ADAMTS12: variants seen among roughly 807,000 people sequenced by gnomAD.
ADAMTS12 encodes A disintegrin and metalloproteinase with thrombospondin motifs 12.
A neutral mutation model predicts 167.8 loss-of-function variants in ADAMTS12; 118 were observed. The observed-to-expected ratio is 0.70, with a 90% CI of 0.61 to 0.82. ADAMTS12 has a LOEUF of 0.82. ADAMTS12 is among the 40% of genes least tolerant of loss of function. The probability of loss-of-function intolerance (pLI) is 0.00; values close to 1 mark genes in which losing one functional copy is unlikely to be tolerated. For missense variants in ADAMTS12, 1,916 were observed against 1,998.8 expected, an observed-to-expected ratio of 0.96 and a Z score of 0.79; for synonymous variants, 704 against 716.9, an observed-to-expected ratio of 0.98 and a Z score of 0.29.
chr5:33,852,230 G>T (rs1267343464), intron 2 of ADAMTS12, among the ~76,000 whole-genome samples: 1 of 152,176 alleles, frequency 6.6e-6, no homozygotes, highest in Non-Finnish European at 1.5e-5. Context: ...TTAGAGATCG[G>T]CTGAGAATAC....
chr5:33,817,892 G>A (rs2112497419), intron 2 of ADAMTS12, among the ~76,000 whole-genome samples: 1 of 152,072 alleles, frequency 6.6e-6, no homozygotes, highest in South Asian at 2.1e-4. Context: ...TCTTTCCATA[G>A]TAGAATATAG....
At chr5:33,870,290 G>A (rs868750659) in intron 2 of ADAMTS12, among the ~76,000 whole-genome samples, 12 of 152,300 alleles carry the variant, frequency 7.9e-5, no homozygotes, top group Middle Eastern at 3.4e-3. Context: ...AGTAAAGAAA[G>A]GCATAGGAAA....
At chr5:33,843,437 T>G (rs1748822638) in intron 2 of ADAMTS12, among the ~76,000 whole-genome samples, 1 of 151,412 alleles carries the variant, frequency 6.6e-6, no homozygotes, top group African/African-American at 2.4e-5. Flanking sequence ...GGCAAGGGGG[T>G]AGTGAGTAGC....
chr5:33,889,335 G>C (rs1055354517), intron 1 of ADAMTS12, among the ~76,000 whole-genome samples: 11 of 152,094 alleles, frequency 7.2e-5, no homozygotes, highest in African/African-American at 4.8e-5. Flanking sequence ...AGATGATCCT[G>C]AAGTAATTTG....
chr5:33,780,739 A>T (rs901336399), intron 2 of ADAMTS12, among the ~76,000 whole-genome samples: 4 of 152,156 alleles, frequency 2.6e-5, no homozygotes, highest in Non-Finnish European at 5.9e-5. Flanking sequence ...AGAGCAGCCA[A>T]CCTCATCCCA....
At position 33,820,902 on chromosome 5, in the gene ADAMTS12, A is replaced by G. The variant is rs1747844559; in HGVS notation, c.489+60217T>C. On this transcript the variant is annotated intron_variant, in intron 2 of 23. Transcript: ENST00000504830. The stretch of plus-strand genomic sequence containing the variant: ...AACCAAATACGGCATGTTCTCACCT[A>G]TGAGTGGGAGCTAAATGATGAAAAC... Among the ~76,000 whole-genome samples, 3 of 152,296 alleles carry G rather than the reference A, an allele frequency of 2.0e-5. No homozygotes were observed. In the South Asian group the frequency reaches 6.2e-4, roughly 32 times the overall value.
chr5:33,544,461 C>T (rs543893319), intron 22 of ADAMTS12, among the ~76,000 whole-genome samples: 164 of 152,076 alleles, frequency 1.1e-3, no homozygotes, highest in Non-Finnish European at 2.1e-3. Flanking sequence ...GATTCAATGC[C>T]ATCCCCATCA....
At chr5:33,590,255 C>T (rs2112014875) in intron 17 of ADAMTS12, among the ~76,000 whole-genome samples, 2 of 152,316 alleles carry the variant, frequency 1.3e-5, no homozygotes, top group African/African-American at 4.8e-5. Context: ...AATAGACGTT[C>T]TTGTTTTCTC....
chr5:33,691,352 G>A (rs1466677502), intron 3 of ADAMTS12, among the ~76,000 whole-genome samples: 1 of 152,112 alleles, frequency 6.6e-6, no homozygotes, highest in African/African-American at 2.4e-5. Flanking sequence ...ACAACTTTTA[G>A]GGAATACTAG....
Position 33,623,300 on chromosome 5 carries a change from C to A in ADAMTS12, c.2143+931G>T, listed in dbSNP as rs546126728. On this transcript the variant is annotated intron_variant, in intron 14 of 23. Coordinates refer to ENST00000504830, the MANE Select transcript of ADAMTS12 (RefSeq NM_030955.4). Reference sequence around the variant, plus strand: ...TAGTGCATGATGGATTCCCTACTCCCAGCATCTCTATGGAATCCAGAGAAT... The same window carrying A: ...TAGTGCATGATGGATTCCCTACTCCAAGCATCTCTATGGAATCCAGAGAAT... Among the ~76,000 whole-genome samples, 9 of 152,314 alleles carry A rather than the reference C, an allele frequency of 5.9e-5. No individual in the cohort carries two copies. The South Asian group carries it at 1.9e-3, about 32-fold the overall frequency.
chr5:33,771,266 A>T (rs1276565325), intron 2 of ADAMTS12, among the ~76,000 whole-genome samples: 1 of 152,166 alleles, frequency 6.6e-6, no homozygotes, highest in Non-Finnish European at 1.5e-5. Context: ...TTATTCCTTT[A>T]GCTTAAAGTA....
rs113750891 is a variant in ADAMTS12 at position 33,841,331 on chromosome 5, T to C, written c.489+39788A>G. ...TACTTCCATCTAAGGCAAAGTCTTC[T>C]CACTGTGCTGTCAGCTTTGGACCTC... is the stretch of plus-strand genomic sequence containing the variant. On this transcript the variant is annotated intron_variant, in intron 2 of 23. Coordinates refer to ENST00000504830, the MANE Select transcript of ADAMTS12 (RefSeq NM_030955.4). Among the ~76,000 whole-genome samples the C allele has an allele frequency of 7.8e-3, 1,192 of 152,334 alleles. 4 individuals are homozygous for C. The highest frequency in any genetic ancestry group is 0.011 in the Non-Finnish European group (722 of 68,028).
chr5:33,681,469 T>C (rs1742110722), intron 5 of ADAMTS12, among the ~76,000 whole-genome samples: 2 of 152,200 alleles, frequency 1.3e-5, no homozygotes, highest in Admixed American at 1.3e-4. Context: ...TTCACTTCAT[T>C]CATTCATTTG....
chr5:33,588,648 T>C lies in ADAMTS12; in HGVS notation c.2816A>G (p.Asn939Ser), dbSNP rs1453209564. ...LLKPKTLLSC[N>S]RDILCPSDWT... ...GTCCGAGGGGCACAGGATGTCTCTG[T>C]TGCAGGAAAGGAGGGTCTTGGGCTT... Residue 939 changes from asparagine (N) to serine (S), a missense_variant, in exon 18 of 24, where the codon AAC (asparagine) becomes AGC (serine). Physicochemically the swap from Asn to Ser is conservative, Grantham distance 46 (BLOSUM62 1). Coordinates refer to ENST00000504830, the MANE Select transcript of ADAMTS12 (RefSeq NM_030955.4). 2 of 1,614,114 alleles carry C rather than the reference T, an allele frequency of 1.2e-6. No individual in the cohort carries two copies. The highest frequency in any genetic ancestry group is 4.5e-5 in the East Asian group (2 of 44,866).
At chr5:33,805,058 G>GA (rs1747169968) in intron 2 of ADAMTS12, among the ~76,000 whole-genome samples, 2 of 152,112 alleles carry the variant, frequency 1.3e-5, no homozygotes, top group Admixed American at 6.5e-5. Flanking sequence ...TAACATACTG[G>GA]AAAATATTCC....
chr5:33,689,959 C>T (rs968185794), intron 3 of ADAMTS12, among the ~76,000 whole-genome samples: 1 of 152,234 alleles, frequency 6.6e-6, no homozygotes, highest in Non-Finnish European at 1.5e-5. Context: ...ATCTTTAAAC[C>T]ACCAGCTGAC....
At chr5:33,591,989 G>A (rs897197246) in intron 17 of ADAMTS12, among the ~76,000 whole-genome samples, 11 of 152,042 alleles carry the variant, frequency 7.2e-5, no homozygotes, top group Admixed American at 3.9e-4. Context: ...GGGAGGCTGA[G>A]GTGGGCGGAT....
intron 20 of ADAMTS12, among the ~76,000 whole-genome samples, chr5:33,550,909 C>T (rs1745227018): frequency 6.6e-6 from 1 of 152,128 alleles, no homozygotes; most frequent in African/African-American, 2.4e-5. Flanking sequence ...AAAATGCCAG[C>T]TGGGAGGGCT....
At chr5:33,624,933 T>G (rs902086103) in intron 13 of ADAMTS12, among the ~76,000 whole-genome samples, 1 of 152,252 alleles carries the variant, frequency 6.6e-6, no homozygotes, top group African/African-American at 2.4e-5. Context: ...CTTTTTGATC[T>G]TTAAAGATCA....
Sources: gnomAD v4.1 joint callset for allele counts (sites outside exome capture counted in the v4.1 genomes callset) on GRCh38, gnomAD v4.1.1 for gene constraint, MANE v1.5 for transcripts, NCBI Gene and HGNC (gene_info 2026-07-23, HGNC 2026-07-21) for gene names.